The following EIF3H variants were observed in gnomAD, a reference collection of about 807,000 sequenced individuals.
EIF3H encodes eukaryotic translation initiation factor 3 subunit H, also known as eIF-3-gamma.
In EIF3H, 26 loss-of-function variants were observed where a neutral mutation model predicts 44.2. The ratio of observed to expected loss-of-function variants is 0.59; its 90% CI spans 0.43 to 0.82. The LOEUF (loss-of-function observed/expected upper bound fraction) is 0.82, where lower values mean the gene tolerates loss of function less well. EIF3H is among the 40% of genes least tolerant of loss of function. The pLI is 0.00. For synonymous variants in EIF3H, 166 were observed against 151.9 expected, an observed-to-expected ratio of 1.09 and a Z score of -0.68; for missense variants, 359 against 432.8, an observed-to-expected ratio of 0.83 and a Z score of 1.51.
chr8:116,658,899 T>C lies in EIF3H; in HGVS notation c.371A>G (p.Tyr124Cys), dbSNP rs748624678. 1.5e-5 allele frequency: 25 copies of C among 1,613,806 alleles called. No individual in the cohort carries two copies. The highest frequency in any genetic ancestry group is 1.6e-4 in the Middle Eastern group (1 of 6,078). Residue 124 changes from tyrosine (Y) to cysteine (C), a missense_variant, in exon 3 of 8, where the codon TAC becomes TGC. This residue lies in a region of EIF3H where 91 missense variants were observed against 164.6 expected (regional missense o/e 0.55). Transcript: ENST00000521861. ...TGCCCGGGTAACGAATGAGCCATAG[T>C]ATGTGGACTGATACCAGCCCACGTG... is the stretch of plus-strand genomic sequence containing the variant. ...HLHVGWYQST[Y>C]YGSFVTRALL...
At chr8:116,725,738 ATTTCATG>A (rs1814824188) in intron 2 of EIF3H, among the ~76,000 whole-genome samples, 1 of 152,234 alleles carries the variant, frequency 6.6e-6, no homozygotes, top group Non-Finnish European at 1.5e-5. Flanking sequence ...TAGCAAGCTG[ATTTCATG>A]TTGACAAAGT....
intron 2 of EIF3H, among the ~76,000 whole-genome samples, chr8:116,713,774 G>A (rs1814613916): frequency 6.6e-6 from 1 of 152,034 alleles, no homozygotes; most frequent in Non-Finnish European, 1.5e-5. Context: ...TCATTGCCCT[G>A]ATTATTTAGC....
At chr8:116,645,209 A>AT (rs1813278699) in intron 7 of EIF3H, 106 bp from the exon 8 acceptor site, 6 of 790,676 alleles carry the variant, frequency 7.6e-6, no homozygotes, top group South Asian at 5.1e-5. Flanking sequence ...TCACCTGTTT[A>AT]TTGTTTTGAA....
intron 2 of EIF3H, among the ~76,000 whole-genome samples, chr8:116,670,868 T>G (rs1813741343): frequency 2.0e-5 from 3 of 152,336 alleles, no homozygotes; most frequent in Admixed American, 1.3e-4. Flanking sequence ...GAGATTAGCC[T>G]TATCAGCTGC....
chr8:116,745,731 G>A (rs572080271), intron 1 of EIF3H, among the ~76,000 whole-genome samples: 6 of 152,194 alleles, frequency 3.9e-5, no homozygotes, highest in African/African-American at 1.4e-4. Flanking sequence ...GGGAGTTCAA[G>A]ACCAGTCTGG....
At chr8:116,705,666 G>T (rs562055905) in intron 2 of EIF3H, among the ~76,000 whole-genome samples, 1 of 152,192 alleles carries the variant, frequency 6.6e-6, no homozygotes, top group South Asian at 2.1e-4. Flanking sequence ...TGCCTAGATG[G>T]TGGGAAACAA....
At chr8:116,734,170 A>T in intron 1 of EIF3H, 2 of 423,686 alleles carry the variant, frequency 4.7e-6, no homozygotes, top group Middle Eastern at 3.6e-4. Flanking sequence ...ACACTTTAGG[A>T]GCCACTATTC....
At position 116,645,085 on chromosome 8, in the gene EIF3H, CAGTA is replaced by C. The variant is rs1410337231; in HGVS notation, c.976_979del (p.Tyr326AlafsTer12). 6.2e-7 allele frequency: 1 copy of C among 1,613,936 alleles called. No homozygotes were observed. Among genetic ancestry groups the C allele is most frequent in the Non-Finnish European group, 8.5e-7 (1 of 1,179,912 alleles). ...GGCAGTGAACTCCTTGATGTTCTGG[CAGTA>C]AGTGTTTATCTGGCCTGTGCATTTG... On this transcript the variant is annotated frameshift_variant, in exon 8 of 8. Coordinates refer to ENST00000521861, the MANE Select transcript of EIF3H (RefSeq NM_003756.3). LOFTEE classifies it high-confidence loss of function.
intron 1 of EIF3H, among the ~76,000 whole-genome samples, chr8:116,762,366 G>C (rs940050898): frequency 6.6e-6 from 1 of 152,122 alleles, no homozygotes; most frequent in Non-Finnish European, 1.5e-5. Context: ...TCACAGTTGC[G>C]AGCGATCCAA....
chr8:116,691,925 A>G (rs1043054321), intron 2 of EIF3H, among the ~76,000 whole-genome samples: 1 of 152,062 alleles, frequency 6.6e-6, no homozygotes, highest in Admixed American at 6.6e-5. Flanking sequence ...TTGAATGTTA[A>G]GGTTTTCTGG....
chr8:116,762,380 C>T (rs1016905678), intron 1 of EIF3H, among the ~76,000 whole-genome samples: 1 of 152,144 alleles, frequency 6.6e-6, no homozygotes, highest in African/African-American at 2.4e-5. Context: ...GATCCAAGCT[C>T]CTCTTATCTG....
At position 116,727,018 on chromosome 8, in the gene EIF3H, A is replaced by C. The variant is rs894823986; in HGVS notation, c.133-846T>G. Reference sequence around the variant, plus strand: ...AAAAGGCAACACATTCAAAATTGTAATGTAAAGTTCTCAGAGGAAAAATAA... The same window carrying C: ...AAAAGGCAACACATTCAAAATTGTACTGTAAAGTTCTCAGAGGAAAAATAA... On this transcript the variant is annotated intron_variant, in intron 1 of 7. Coordinates refer to ENST00000521861, the MANE Select transcript of EIF3H (RefSeq NM_003756.3). 3.3e-5 allele frequency among the ~76,000 whole-genome samples: 5 copies of C among 152,358 alleles called. No homozygotes were observed. In the South Asian group the frequency reaches 8.3e-4, roughly 25 times the overall value.
Position 116,720,531 on chromosome 8 carries a change from G to A in EIF3H, c.289+5485C>T, listed in dbSNP as rs1356579070. 2.0e-5 allele frequency among the ~76,000 whole-genome samples: 3 copies of A among 152,148 alleles called. No individual in the cohort carries two copies. In the East Asian group the frequency reaches 5.8e-4, roughly 29 times the overall value. On this transcript the variant is annotated intron_variant, in intron 2 of 7. Transcript: ENST00000521861. ...AGTGGCGTGAAAATGGACTAATACA[G>A]TAAATTGGTACCAAGAGTTGGGTGC...
chr8:116,659,033 C>T, intron 2 of EIF3H, 53 bp from the exon 3 acceptor site: 2 of 1,476,384 alleles, frequency 1.4e-6, no homozygotes, highest in Non-Finnish European at 9.1e-7. Context: ...ATGATGTTAC[C>T]AACATCAAAA....
intron 2 of EIF3H, among the ~76,000 whole-genome samples, chr8:116,689,846 T>A (rs1345580322): frequency 2.0e-5 from 3 of 152,196 alleles, no homozygotes; most frequent in Non-Finnish European, 4.4e-5. Context: ...ATTTCCTGAA[T>A]TTTAGTTAAC....
chr8:116,743,797 TAAAC>T (rs1248805964), intron 1 of EIF3H, among the ~76,000 whole-genome samples: 140 of 33,042 alleles, frequency 4.2e-3, no homozygotes, highest in African/African-American at 0.015. Context: ...TATATATATA[TAAAC>T]ACACACACAC....
intron 2 of EIF3H, among the ~76,000 whole-genome samples, chr8:116,678,183 C>T (rs1228566207): frequency 4.7e-4 from 72 of 151,824 alleles, no homozygotes; most frequent in African/African-American, 1.7e-3. Context: ...TTGGTGGAGA[C>T]GGGGTTTTGC....
chr8:116,703,000 G>T (rs1814405084), intron 2 of EIF3H, among the ~76,000 whole-genome samples: 1 of 152,172 alleles, frequency 6.6e-6, no homozygotes, highest in African/African-American at 2.4e-5. Flanking sequence ...TCACAACAGG[G>T]TTAGCGTGTG....
chr8:116,746,983 T>C (rs1815248366), intron 1 of EIF3H, among the ~76,000 whole-genome samples: 1 of 152,198 alleles, frequency 6.6e-6, no homozygotes, highest in South Asian at 2.1e-4. Flanking sequence ...ACAGGGGACA[T>C]TTATTATAGA....
Sources: gnomAD v4.1 joint callset for allele counts (sites outside exome capture counted in the v4.1 genomes callset) on GRCh38, gnomAD v4.1.1 for gene constraint, gnomAD v4.1.1 regional missense constraint, MANE v1.5 for transcripts, NCBI Gene and HGNC (gene_info 2026-07-23, HGNC 2026-07-21) for gene names.